The following RBBP8 variants were observed in gnomAD, a reference collection of about 807,000 sequenced individuals.
RBBP8 encodes DNA endonuclease RBBP8.
Under a neutral mutation model 108.3 loss-of-function variants are expected in RBBP8, and 88 were observed. That is an observed-to-expected ratio of 0.81 (90% CI 0.68 to 0.97). The LOEUF (loss-of-function observed/expected upper bound fraction) is 0.97. RBBP8 is among the 50% of genes least tolerant of loss of function. The probability of loss-of-function intolerance (pLI) is 0.00; values close to 1 mark genes in which losing one functional copy is unlikely to be tolerated. For synonymous variants in RBBP8, 332 were observed against 348.2 expected (o/e 0.95, Z 0.52); for missense variants, 1,023 against 1,049.0 (o/e 0.98, Z 0.34).
chr18:23,019,415 T>G (rs953904272), intron 17 of RBBP8, among the ~76,000 whole-genome samples: 1 of 152,216 alleles, frequency 6.6e-6, no homozygotes, highest in Non-Finnish European at 1.5e-5. Context: ...GAAGTGGAAG[T>G]GCCAGTCCCA....
At chr18:22,993,946 C>A in intron 12 of RBBP8, 99 bp downstream of exon 12, 5 of 1,210,472 alleles carry the variant, frequency 4.1e-6, no homozygotes, top group African/African-American at 1.6e-5. Context: ...TGGAAAAAAA[C>A]TTATTTCTTC....
intron 4 of RBBP8, among the ~76,000 whole-genome samples, chr18:22,952,437 A>G (rs1912120588): frequency 6.6e-6 from 1 of 152,226 alleles, no homozygotes; most frequent in Non-Finnish European, 1.5e-5. Context: ...CTATTAAAAT[A>G]GAAGAAAAGC....
intron 4 of RBBP8, among the ~76,000 whole-genome samples, chr18:22,950,903 CTT>C (rs1911980249): frequency 6.6e-6 from 1 of 152,162 alleles, no homozygotes; most frequent in African/African-American, 2.4e-5. Flanking sequence ...GACCCTGTCT[CTT>C]AAAAAAATTT....
intron 6 of RBBP8, among the ~76,000 whole-genome samples, chr18:22,976,341 A>G (rs777938078): frequency 5.2e-4 from 79 of 152,140 alleles, no homozygotes; most frequent in Non-Finnish European, 1.0e-3. Context: ...GAAAATGTCA[A>G]CACTTTCTAA....
intron 3 of RBBP8, among the ~76,000 whole-genome samples, chr18:22,926,407 G>A (rs4352145): frequency 6.6e-6 from 1 of 152,280 alleles, no homozygotes; most frequent in South Asian, 2.1e-4. Context: ...TGGGGGATAA[G>A]AGCAAGACTC....
chr18:23,019,618 A>G (rs1176258982), intron 17 of RBBP8, among the ~76,000 whole-genome samples: 7 of 152,158 alleles, frequency 4.6e-5, no homozygotes, highest in Admixed American at 2.6e-4. Context: ...CTGAGATCTT[A>G]TAGTTATTCA....
At chr18:22,936,710 A>C in intron 1 of RBBP8, 44 bp from the exon 2 acceptor site, 1 of 902,290 alleles carries the variant, frequency 1.1e-6, no homozygotes, top group South Asian at 1.5e-5. Context: ...AAAGTACATA[A>C]AGATAAATGC....
intron 5 of RBBP8, among the ~76,000 whole-genome samples, chr18:22,971,637 ATTTCTT>A (rs1179282297): frequency 7.2e-6 from 1 of 138,254 alleles, no homozygotes; most frequent in Non-Finnish European, 1.6e-5. Flanking sequence ...CCAATGTTTA[ATTTCTT>A]TTTTTTTTTT....
At position 22,993,263 on chromosome 18, in the gene RBBP8, T is replaced by C; in HGVS notation, c.1436T>C (p.Phe479Ser). Reference protein sequence around the residue: ...NAFPFPMDNQFSMNGDCVMDK... With the variant: ...NAFPFPMDNQSSMNGDCVMDK... The stretch of plus-strand genomic sequence containing the variant: ...TTCCCTTTTCCAATGGATAATCAGT[T>C]TTCCATGAATGGAGACTGTGTGATG... Residue 479 changes from phenylalanine (F) to serine (S), a missense_variant, in exon 11 of 19, where the codon TTT (phenylalanine) becomes TCT (serine). Coordinates refer to ENST00000327155, the MANE Select transcript of RBBP8 (RefSeq NM_002894.3). 2 of 1,614,228 alleles carry C rather than the reference T, an allele frequency of 1.2e-6. No individual in the cohort carries two copies. The highest frequency in any genetic ancestry group is 1.7e-6 in the Non-Finnish European group (2 of 1,180,036).
rs142280214 is a variant in RBBP8 at position 22,989,197 on chromosome 18, A to G, written c.710-24A>G. ...GTAAAATTGGTTTTATTATTTATTA[A>G]AATGGTTTATTATTTATTCTTAGAA... On this transcript the variant is annotated intron_variant, in intron 8 of 18. Transcript: ENST00000327155. 3.0e-4 allele frequency: 464 copies of G among 1,524,362 alleles called. 6 individuals are homozygous for G. The East Asian group carries it at 9.6e-3, about 32-fold the overall frequency. 94.4% of individuals were successfully genotyped at this position (1,524,362 alleles called of 1,614,324 possible). A position where few individuals can be genotyped will look rare whatever the true frequency, so the allele number is the denominator to read the frequency against.
chr18:23,023,836 A>G (rs1420975758), intron 18 of RBBP8, among the ~76,000 whole-genome samples: 3 of 150,578 alleles, frequency 2.0e-5, no homozygotes, highest in African/African-American at 7.3e-5. Context: ...GGAGCTCATA[A>G]GAGCATTTAA....
At chr18:22,928,897 T>C (rs905863614), upstream of RBBP8, among the ~76,000 whole-genome samples, 5 of 152,186 alleles carry the variant, frequency 3.3e-5, no homozygotes, top group Non-Finnish European at 5.9e-5. Flanking sequence ...CTCAAACTCC[T>C]GACCTCAAGT....
At chr18:22,987,900 A>G (rs1915441250) in intron 8 of RBBP8, among the ~76,000 whole-genome samples, 1 of 152,186 alleles carries the variant, frequency 6.6e-6, no homozygotes, top group African/African-American at 2.4e-5. Context: ...GGATACCTCT[A>G]CAGGGATATC....
chr18:22,946,675 T>G (rs1911591828), intron 3 of RBBP8, among the ~76,000 whole-genome samples, 189 bp downstream of exon 3: 1 of 152,072 alleles, frequency 6.6e-6, no homozygotes, highest in Non-Finnish European at 1.5e-5. Context: ...AATTCTAAAG[T>G]AAAAAGAATA....
chr18:22,997,213 A>G (rs2045874872), intron 13 of RBBP8, among the ~76,000 whole-genome samples: 1 of 152,236 alleles, frequency 6.6e-6, no homozygotes, highest in Non-Finnish European at 1.5e-5. Flanking sequence ...ACTTGGTAGC[A>G]TATTAATAAC....
rs1173892284 is a variant in RBBP8, at chr18:22,997,626, A to C, written c.2035A>C (p.Ser679Arg). The change falls in exon 14 of 19, where the codon AGT becomes CGT. Residue 679 changes from serine to arginine, a missense_variant. By Grantham distance (110) the Ser-to-Arg change is moderately radical (BLOSUM62 -1). Transcript: ENST00000327155. ...DVTVIDTKDG[S>R]QSKLGGETVD... ...TTTTAAAATATTTATTTAGGATGGC[A>C]GTCAGTCAAAATTAGGAGGAGAGAC... 2 of 1,586,002 alleles carry C rather than the reference A, an allele frequency of 1.3e-6. No homozygotes were observed. Among genetic ancestry groups the C allele is most frequent in the South Asian group, 2.3e-5 (2 of 88,754 alleles).
At chr18:22,916,397 A>G (rs1182126214) in intron 2 of RBBP8, among the ~76,000 whole-genome samples, 1 of 152,106 alleles carries the variant, frequency 6.6e-6, no homozygotes, top group Non-Finnish European at 1.5e-5. Flanking sequence ...GAAAAGCCCC[A>G]AAATATAGCT....
intron 15 of RBBP8, among the ~76,000 whole-genome samples, chr18:23,003,096 G>A (rs1423134453): frequency 2.0e-5 from 3 of 152,112 alleles, no homozygotes; most frequent in Non-Finnish European, 4.4e-5. Flanking sequence ...GTCACAGCTT[G>A]TTTCCTAGAA....
At chr18:23,020,972 T>C (rs969968205) in intron 17 of RBBP8, among the ~76,000 whole-genome samples, 4 of 152,240 alleles carry the variant, frequency 2.6e-5, no homozygotes, top group African/African-American at 9.6e-5. Flanking sequence ...TTAAAGCCTT[T>C]AATCTGTGTA....
Sources: allele counts gnomAD v4.1 joint callset (sites outside exome capture counted in the v4.1 genomes callset), GRCh38; gene constraint gnomAD v4.1.1; transcripts MANE v1.5; gene names NCBI Gene and HGNC (gene_info 2026-07-23, HGNC 2026-07-21).